Variants in SPAG16 observed in about 807,000 individuals in gnomAD.
SPAG16 encodes sperm associated antigen 16, also known as sperm-associated antigen 16 protein.
SPAG16 carries 86 observed loss-of-function variants against 80.4 expected under a neutral mutation model. The observed-to-expected ratio is 1.07, with a 90% CI of 0.90 to 1.28. SPAG16 has a LOEUF of 1.28. Ranked by LOEUF, SPAG16 falls within the 50% of genes most tolerant of loss-of-function variation. The probability of loss-of-function intolerance (pLI) is 0.00; values close to 1 mark genes in which losing one functional copy is unlikely to be tolerated. For synonymous variants in SPAG16, 294 were observed against 265.9 expected (o/e 1.11, Z -1.03); for missense variants, 870 against 765.3 (o/e 1.14, Z -1.61).
chr2:214,286,644 G>A (rs1336853422), intron 15 of SPAG16, among the ~76,000 whole-genome samples: 2 of 152,138 alleles, frequency 1.3e-5, no homozygotes, highest in East Asian at 3.9e-4. Flanking sequence ...CTACTTGGGT[G>A]GCTGAGGCAC....
chr2:214,363,994 C>T (rs1699329642), intron 15 of SPAG16, among the ~76,000 whole-genome samples: 1 of 152,052 alleles, frequency 6.6e-6, no homozygotes, highest in African/African-American at 2.4e-5. Context: ...CAAGTGGCTC[C>T]GTTTTACAAC....
chr2:214,185,066 G>T (rs1245308934), intron 15 of SPAG16, among the ~76,000 whole-genome samples: 1 of 151,654 alleles, frequency 6.6e-6, no homozygotes, highest in Non-Finnish European at 1.5e-5. Context: ...TAATTAACAT[G>T]CATAGCTTAT....
intron 10 of SPAG16, among the ~76,000 whole-genome samples, chr2:213,824,134 T>C (rs2073124745): frequency 6.6e-6 from 1 of 152,226 alleles, no homozygotes; most frequent in African/African-American, 2.4e-5. Context: ...TGCATCTGGC[T>C]AGCCAGTTTT....
chr2:213,945,530 G>A (rs946781376), intron 12 of SPAG16, among the ~76,000 whole-genome samples: 1 of 151,872 alleles, frequency 6.6e-6, no homozygotes, highest in African/African-American at 2.4e-5. Flanking sequence ...GGCCAGTCTC[G>A]ACTTTTCATG....
chr2:214,364,258 GAATT>G (rs1699347264), intron 15 of SPAG16, among the ~76,000 whole-genome samples: 1 of 151,962 alleles, frequency 6.6e-6, no homozygotes, highest in Non-Finnish European at 1.5e-5. Flanking sequence ...AATATTTGTT[GAATT>G]AATTAACTCA....
intron 7 of SPAG16, among the ~76,000 whole-genome samples, chr2:213,357,443 C>T (rs7355432): frequency 0.22 from 33,140 of 152,038 alleles, 4,447 homozygotes; most frequent in Non-Finnish European, 0.31. Flanking sequence ...GGTTCTCTTG[C>T]TTTGGGTGCA....
chr2:213,733,305 T>G (rs1040454067), intron 10 of SPAG16, among the ~76,000 whole-genome samples: 16 of 151,918 alleles, frequency 1.1e-4, no homozygotes, highest in African/African-American at 3.9e-4. Context: ...AAATTTTCTC[T>G]CATTCTGTAG....
chr2:214,034,206 C>T (rs1163137097), intron 13 of SPAG16, among the ~76,000 whole-genome samples: 2 of 152,220 alleles, frequency 1.3e-5, no homozygotes, highest in Admixed American at 1.3e-4. Context: ...TCAGGAGGCA[C>T]ATGCTGTTGA....
chr2:213,923,286 G>A (rs1045974683), intron 11 of SPAG16, among the ~76,000 whole-genome samples: 1 of 152,182 alleles, frequency 6.6e-6, no homozygotes, highest in Admixed American at 6.5e-5. Context: ...GAACTGCTGG[G>A]CCAAAAGCTC....
chr2:214,136,976 A>T (rs12987971), intron 14 of SPAG16, among the ~76,000 whole-genome samples: 29,920 of 152,118 alleles, frequency 0.2, 2,984 homozygotes, highest in African/African-American at 0.23. Context: ...CATTTGCTTG[A>T]TGACCCCTCT....
intron 9 of SPAG16, among the ~76,000 whole-genome samples, chr2:213,489,694 T>G (rs1273709280): frequency 1.3e-5 from 2 of 152,122 alleles, no homozygotes; most frequent in Non-Finnish European, 1.5e-5. Flanking sequence ...TGTGCTTCAT[T>G]GGAATTCAAA....
chr2:214,071,713 A>G (rs943361021), intron 13 of SPAG16, among the ~76,000 whole-genome samples: 2 of 152,082 alleles, frequency 1.3e-5, no homozygotes, highest in Admixed American at 6.6e-5. Flanking sequence ...GCTGAAATAC[A>G]CTACAATGTT....
intron 1 of SPAG16, among the ~76,000 whole-genome samples, chr2:213,293,634 C>T (rs2126063717): frequency 6.6e-6 from 1 of 152,314 alleles, no homozygotes; most frequent in East Asian, 1.9e-4. Flanking sequence ...ATCCTGTTGC[C>T]TCATCTCAGC....
rs2063653873 is a variant in SPAG16 at position 213,667,542 on chromosome 2, C to A, written c.1070+177452C>A. Among the ~76,000 whole-genome samples, 3 of 152,132 alleles carry A rather than the reference C, an allele frequency of 2.0e-5. No individual in the cohort carries two copies. In the East Asian group the frequency reaches 5.8e-4, roughly 29 times the overall value. On this transcript the variant is annotated intron_variant, in intron 10 of 15. Coordinates refer to ENST00000331683, the MANE Select transcript of SPAG16 (RefSeq NM_024532.5). The stretch of plus-strand genomic sequence containing the variant: ...AAGTAGGAAAATTGTGTTTTAAGTT[C>A]CTGTCTTAGATGCTGTAAAGAAGAA...
chr2:214,147,538 C>T (rs532448912), intron 14 of SPAG16, among the ~76,000 whole-genome samples: 61 of 152,280 alleles, frequency 4.0e-4, no homozygotes, highest in Non-Finnish European at 7.8e-4. Flanking sequence ...TGACTTCTCT[C>T]AGATCATTGA....
chr2:213,286,364 A>G lies in SPAG16; in HGVS notation c.136+1745A>G, dbSNP rs371812954. ...TAACCAGTTTATTTTGCTATATTCC[A>G]TGCTGAGGGAAGAGGTTTAGTCATT... On this transcript the variant is annotated intron_variant, in intron 1 of 15. Transcript: ENST00000331683. Among the ~76,000 whole-genome samples, 30 of 152,274 alleles carry G rather than the reference A, an allele frequency of 2.0e-4. No individual in the cohort carries two copies. The South Asian group carries it at 3.1e-3, about 16-fold the overall frequency.
intron 10 of SPAG16, among the ~76,000 whole-genome samples, chr2:213,573,027 T>G (rs898438690): frequency 6.6e-6 from 1 of 152,150 alleles, no homozygotes; most frequent in Non-Finnish European, 1.5e-5. Flanking sequence ...CCCCTTTCTT[T>G]GACTCGGAAA....
intron 15 of SPAG16, among the ~76,000 whole-genome samples, chr2:214,344,247 A>G (rs1697913814): frequency 6.6e-6 from 1 of 152,172 alleles, no homozygotes; most frequent in Admixed American, 6.5e-5. Context: ...AGTCCTTTCA[A>G]TTGTTTAACT....
chr2:213,432,613 C>T (rs2070375547), intron 9 of SPAG16, among the ~76,000 whole-genome samples: 1 of 152,022 alleles, frequency 6.6e-6, no homozygotes, highest in African/African-American at 2.4e-5. Flanking sequence ...AATCTCCCAA[C>T]AAATAAAAGC....
Sources: gnomAD v4.1 joint callset for allele counts (sites outside exome capture counted in the v4.1 genomes callset) on GRCh38, gnomAD v4.1.1 for gene constraint, MANE v1.5 for transcripts, NCBI Gene and HGNC (gene_info 2026-07-23, HGNC 2026-07-21) for gene names.